The following RANBP17 variants were observed in gnomAD, a reference collection of about 807,000 sequenced individuals.
RANBP17 encodes the protein ran-binding protein 17.
In RANBP17, 158 loss-of-function variants were observed where a neutral mutation model predicts 141.2. The ratio of observed to expected loss-of-function variants is 1.12; its 90% CI spans 0.98 to 1.28. RANBP17 has a LOEUF of 1.28. RANBP17 is among the 50% of genes most tolerant of loss of function. The probability of loss-of-function intolerance (pLI) is 0.00; values close to 1 mark genes in which losing one functional copy is unlikely to be tolerated. For missense variants in RANBP17, 1,438 were observed against 1,290.7 expected (o/e 1.11, Z -1.75); for synonymous variants, 430 against 450.0 (o/e 0.96, Z 0.56).
chr5:171,281,706 C>T (rs1350983141), intron 25 of RANBP17, among the ~76,000 whole-genome samples: 28 of 152,122 alleles, frequency 1.8e-4, no homozygotes, highest in Admixed American at 1.8e-3. Context: ...TGTAGGTCCT[C>T]AATAAGTATG....
At chr5:171,170,235 TTTG>T (rs763888454) in intron 15 of RANBP17, 32 bp downstream of exon 15, 163 of 1,252,424 alleles carry the variant, frequency 1.3e-4, no homozygotes, top group Admixed American at 1.8e-4. Flanking sequence ...TAATTTTTCT[TTTG>T]TTGTTGTTTT....
intron 24 of RANBP17, among the ~76,000 whole-genome samples, chr5:171,248,642 C>T (rs1386784481): frequency 6.6e-6 from 1 of 152,192 alleles, no homozygotes; most frequent in Non-Finnish European, 1.5e-5. Context: ...GGAACTGGTG[C>T]TGGGTCACTC....
chr5:171,210,842 T>C (rs545879926), intron 20 of RANBP17, among the ~76,000 whole-genome samples: 1 of 151,408 alleles, frequency 6.6e-6, no homozygotes, highest in Admixed American at 6.6e-5. Flanking sequence ...CCGTCTCTAC[T>C]AAAAATAGAA....
At chr5:171,235,135 G>A (rs368973947) in intron 22 of RANBP17, among the ~76,000 whole-genome samples, 34 of 152,256 alleles carry the variant, frequency 2.2e-4, no homozygotes, top group African/African-American at 7.9e-4. Flanking sequence ...AAAGCTGCCA[G>A]TCAATCAAGT....
intron 14 of RANBP17, among the ~76,000 whole-genome samples, chr5:170,972,900 C>G (rs1777095273): frequency 1.3e-5 from 2 of 152,076 alleles, no homozygotes; most frequent in Non-Finnish European, 2.9e-5. Context: ...AAAATTTTTC[C>G]TGTGCAATTT....
intron 9 of RANBP17, 121 bp downstream of exon 9, chr5:170,916,705 T>C: frequency 1.7e-6 from 1 of 581,086 alleles, no homozygotes; most frequent in African/African-American, 2.0e-5. Context: ...ATCATATATA[T>C]CTTCCTTAGA....
At chr5:171,253,033 G>T (rs998956222) in intron 24 of RANBP17, 24 of 1,060,604 alleles carry the variant, frequency 2.3e-5, no homozygotes, top group Non-Finnish European at 3.2e-5. Context: ...TTTCTTCTCT[G>T]GTTATTTTGG....
chr5:171,249,721 A>G (rs1489608816), intron 24 of RANBP17, among the ~76,000 whole-genome samples: 2 of 152,206 alleles, frequency 1.3e-5, no homozygotes, highest in African/African-American at 4.8e-5. Flanking sequence ...TCAGACAAAA[A>G]AAATTTGAAA....
intron 1 of RANBP17, among the ~76,000 whole-genome samples, chr5:170,862,616 G>A (rs1171761075): frequency 6.6e-6 from 1 of 152,186 alleles, no homozygotes; most frequent in East Asian, 1.9e-4. Context: ...GGGGAGTTGC[G>A]AGGGAGGGCT....
chr5:171,004,528 T>C (rs1779443965), intron 14 of RANBP17, among the ~76,000 whole-genome samples: 1 of 152,072 alleles, frequency 6.6e-6, no homozygotes, highest in African/African-American at 2.4e-5. Context: ...GAAGGTAATG[T>C]GGAGTGGGTA....
At chr5:171,049,775 C>T (rs1006998140) in intron 14 of RANBP17, among the ~76,000 whole-genome samples, 5 of 152,100 alleles carry the variant, frequency 3.3e-5, no homozygotes, top group African/African-American at 1.2e-4. Context: ...GAGCACATGG[C>T]TGTAGGCATG....
At chr5:170,887,375 A>G (rs999946184) in intron 3 of RANBP17, among the ~76,000 whole-genome samples, 2 of 152,142 alleles carry the variant, frequency 1.3e-5, no homozygotes, top group African/African-American at 2.4e-5. Flanking sequence ...AACCAAGGTC[A>G]CTTAGATTTT....
At chr5:170,935,684 T>A (rs114056709) in intron 12 of RANBP17, among the ~76,000 whole-genome samples, 1 of 152,238 alleles carries the variant, frequency 6.6e-6, no homozygotes, top group Admixed American at 6.5e-5. Flanking sequence ...CCGGGCCTTA[T>A]GAGGTGTCAA....
At chr5:171,222,063 G>C (rs896066320) in intron 22 of RANBP17, among the ~76,000 whole-genome samples, 16 of 152,072 alleles carry the variant, frequency 1.1e-4, no homozygotes, top group African/African-American at 3.9e-4. Context: ...AATTTCTTTT[G>C]GATAAAATTG....
intron 14 of RANBP17, among the ~76,000 whole-genome samples, chr5:171,105,601 C>G (rs1056989214): frequency 2.6e-5 from 4 of 151,810 alleles, no homozygotes; most frequent in Non-Finnish European, 4.4e-5. Context: ...CCCTGTAGTA[C>G]TGGCTACTTA....
At chr5:171,212,706 A>G (rs1762977280) in intron 20 of RANBP17, among the ~76,000 whole-genome samples, 1 of 152,228 alleles carries the variant, frequency 6.6e-6, no homozygotes, top group Non-Finnish European at 1.5e-5. Context: ...GATCTGAAAC[A>G]AAAGACAAGT....
intron 24 of RANBP17, among the ~76,000 whole-genome samples, chr5:171,250,831 T>A (rs1185925558): frequency 6.6e-6 from 1 of 152,210 alleles, no homozygotes; most frequent in African/African-American, 2.4e-5. Flanking sequence ...CTGGAACACC[T>A]GGATTCCTAA....
chr5:171,219,943 G>A (rs908106958), intron 21 of RANBP17, among the ~76,000 whole-genome samples: 13 of 151,958 alleles, frequency 8.6e-5, no homozygotes, highest in African/African-American at 3.1e-4. Context: ...TGCTGGAGAG[G>A]AGCTGTGATC....
At chr5:171,021,241 T>C (rs1331862337) in intron 14 of RANBP17, among the ~76,000 whole-genome samples, 3 of 152,184 alleles carry the variant, frequency 2.0e-5, no homozygotes, top group Non-Finnish European at 2.9e-5. Flanking sequence ...ATGTGACAAT[T>C]ATGTGTCTTG....
Sources: gnomAD v4.1 joint callset for allele counts (sites outside exome capture counted in the v4.1 genomes callset) on GRCh38, gnomAD v4.1.1 for gene constraint, MANE v1.5 for transcripts, NCBI Gene and HGNC (gene_info 2026-07-23, HGNC 2026-07-21) for gene names.